CLEC9A: variants seen among roughly 807,000 people sequenced by gnomAD.
The protein encoded by CLEC9A is C-type lectin domain family 9 member A.
In CLEC9A, 24 loss-of-function variants were observed where a neutral mutation model predicts 30.0. That is an observed-to-expected ratio of 0.80 (90% CI 0.58 to 1.13). The LOEUF is 1.13. Ranked by LOEUF, CLEC9A falls within the 50% of genes most tolerant of loss-of-function variation. CLEC9A has a pLI of 0.00. For synonymous variants in CLEC9A, 111 were observed against 96.8 expected (o/e 1.15, Z -0.86); for missense variants, 251 against 280.9 (o/e 0.89, Z 0.76).
intron 4 of CLEC9A, 137 bp from the exon 5 acceptor site, chr12:10,054,134 C>T: frequency 1.5e-6 from 1 of 673,488 alleles, no homozygotes; most frequent in South Asian, 1.8e-5. Context: ...TTTTCTTTTA[C>T]ACATCCCAGG....
intron 4 of CLEC9A, among the ~76,000 whole-genome samples, chr12:10,054,060 T>C (rs1007779600): frequency 2.0e-5 from 3 of 152,242 alleles, no homozygotes; most frequent in Non-Finnish European, 2.9e-5. Context: ...GCAGTATCCA[T>C]ATCACATATA....
intron 1 of CLEC9A, among the ~76,000 whole-genome samples, chr12:10,031,380 G>A (rs117639675): frequency 3.3e-4 from 50 of 152,346 alleles, no homozygotes; most frequent in Non-Finnish European, 5.4e-4. Context: ...TTTAGAGATA[G>A]AGAGGGAAAG....
chr12:10,047,621 C>G (rs1459028065), intron 2 of CLEC9A, among the ~76,000 whole-genome samples: 2 of 152,188 alleles, frequency 1.3e-5, no homozygotes, highest in Admixed American at 1.3e-4. Context: ...AGACTCAGTT[C>G]CAGACCACCA....
chr12:10,064,987 A>G, intron 8 of CLEC9A, 134 bp downstream of exon 8: 1 of 1,043,648 alleles, frequency 9.6e-7, no homozygotes, highest in Non-Finnish European at 1.3e-6. Flanking sequence ...AATTGGGATT[A>G]AAGCTAACAA....
chr12:10,043,971 G>A lies in CLEC9A; in HGVS notation c.-163+2351G>A, dbSNP rs1293448900. Among the ~76,000 whole-genome samples the A allele has an allele frequency of 6.6e-5, 10 of 152,110 alleles. No individual in the cohort carries two copies. The East Asian group carries it at 9.6e-4, about 15-fold the overall frequency. On this transcript the variant is annotated intron_variant, in intron 2 of 8. Coordinates refer to ENST00000355819, the MANE Select transcript of CLEC9A (RefSeq NM_207345.4). ...TGGCATTACAGGCATAAGCCACCGC[G>A]CCTGGCCCTCTCCATATATTTTTTA... is the stretch of plus-strand genomic sequence containing the variant.
chr12:10,056,474 T>A (rs964278165), intron 5 of CLEC9A, among the ~76,000 whole-genome samples: 1 of 152,134 alleles, frequency 6.6e-6, no homozygotes, highest in African/African-American at 2.4e-5. Flanking sequence ...ACCCCAAACA[T>A]CAGCATCATG....
At chr12:10,052,423 A>T (rs1326806500) in intron 3 of CLEC9A, 2 of 955,262 alleles carry the variant, frequency 2.1e-6, no homozygotes, top group Admixed American at 4.3e-5. Flanking sequence ...GAAACCGGAT[A>T]AAAAAATGTT....
intron 2 of CLEC9A, chr12:10,045,509 A>G: frequency 4.1e-6 from 1 of 243,084 alleles, no homozygotes; most frequent in South Asian, 6.4e-5. Flanking sequence ...AAGATGGAAA[A>G]GGAAATATGA....
intron 2 of CLEC9A, among the ~76,000 whole-genome samples, chr12:10,041,925 T>C (rs1191993812): frequency 1.3e-5 from 2 of 152,242 alleles, no homozygotes; most frequent in African/African-American, 4.8e-5. Context: ...TGTGTTGTTC[T>C]AACTTGCTGC....
intron 5 of CLEC9A, chr12:10,060,883 T>C (rs1474594931): frequency 2.7e-6 from 1 of 368,008 alleles, no homozygotes; most frequent in South Asian, 3.7e-5. Context: ...TATAAATTGG[T>C]AAATCTGGTT....
At chr12:10,031,363 C>G (rs981437086) in intron 1 of CLEC9A, among the ~76,000 whole-genome samples, 4 of 152,222 alleles carry the variant, frequency 2.6e-5, no homozygotes, top group Non-Finnish European at 4.4e-5. Context: ...GCCCTCTGCA[C>G]TTTCTCTTTA....
chr12:10,055,763 A>G (rs2137310224), intron 5 of CLEC9A, among the ~76,000 whole-genome samples: 1 of 152,168 alleles, frequency 6.6e-6, no homozygotes, highest in East Asian at 1.9e-4. Flanking sequence ...ATGATTATAA[A>G]AGTACACTTT....
At chr12:10,034,815 G>A (rs192157557) in intron 1 of CLEC9A, among the ~76,000 whole-genome samples, 12 of 152,298 alleles carry the variant, frequency 7.9e-5, no homozygotes, top group East Asian at 3.9e-4. Flanking sequence ...CCCAGTGGGC[G>A]TGTGTTACAG....
chr12:10,030,774 T>C lies in CLEC9A; in HGVS notation c.-516T>C, dbSNP rs985602306. ...TTCTTCTCAAATAACTCGCAAGCTC[T>C]TGTGAAGCACAACGGCCTACCTTGT... On this transcript the variant is annotated 5_prime_UTR_variant, in exon 1 of 9. Transcript: ENST00000355819. The C allele has an allele frequency of 6.6e-6, 1 of 152,260 alleles. No individual in the cohort carries two copies. The highest frequency in any genetic ancestry group is 2.4e-5 in the African/African-American group (1 of 41,458). 9.4% of individuals were successfully genotyped at this position (152,260 alleles called of 1,614,324 possible). A position where few individuals can be genotyped will look rare whatever the true frequency, so the allele number is the denominator to read the frequency against.
intron 2 of CLEC9A, among the ~76,000 whole-genome samples, chr12:10,050,625 T>G (rs1865885311): frequency 2.0e-5 from 3 of 152,240 alleles, no homozygotes; most frequent in Admixed American, 2.0e-4. Context: ...AGCCAATGGC[T>G]CCATACAATG....
intron 1 of CLEC9A, among the ~76,000 whole-genome samples, chr12:10,038,497 T>C (rs1311405551): frequency 5.9e-5 from 9 of 152,140 alleles, no homozygotes; most frequent in Admixed American, 4.6e-4. Flanking sequence ...TATTGAGAAG[T>C]CTAACATTCT....
chr12:10,062,687 G>T (rs1866008062), intron 6 of CLEC9A, among the ~76,000 whole-genome samples: 2 of 151,940 alleles, frequency 1.3e-5, no homozygotes, highest in Admixed American at 6.6e-5. Flanking sequence ...GGCTAAATTG[G>T]GGCAGTAAGA....
intron 1 of CLEC9A, among the ~76,000 whole-genome samples, chr12:10,040,032 A>G (rs935079761): frequency 6.6e-6 from 1 of 152,204 alleles, no homozygotes; most frequent in African/African-American, 2.4e-5. Flanking sequence ...CACGTTGGCC[A>G]GGCTGGTCTC....
intron 1 of CLEC9A, among the ~76,000 whole-genome samples, chr12:10,035,113 A>G (rs1220507129): frequency 6.6e-6 from 1 of 152,010 alleles, no homozygotes; most frequent in Non-Finnish European, 1.5e-5. Context: ...GCCTTGTTTC[A>G]CCAGTTGGTG....
Sources: gnomAD v4.1 joint callset for allele counts (sites outside exome capture counted in the v4.1 genomes callset) on GRCh38, gnomAD v4.1.1 for gene constraint, MANE v1.5 for transcripts, NCBI Gene and HGNC (gene_info 2026-07-23, HGNC 2026-07-21) for gene names.